OSBPL1A: variants seen among roughly 807,000 people sequenced by gnomAD.
OSBPL1A encodes the protein oxysterol-binding protein-related protein 1.
Under a neutral mutation model 137.1 loss-of-function variants are expected in OSBPL1A, and 80 were observed. The observed-to-expected ratio is 0.58, with a 90% CI of 0.49 to 0.70. The LOEUF is 0.70. Ranked by LOEUF, OSBPL1A falls within the 30% of genes least tolerant of loss-of-function variation. The probability of loss-of-function intolerance (pLI) is 0.00; values close to 1 mark genes in which losing one functional copy is unlikely to be tolerated. For missense variants in OSBPL1A, 970 were observed against 1,129.4 expected (o/e 0.86, Z 2.02); for synonymous variants, 365 against 389.7 (o/e 0.94, Z 0.75).
At chr18:24,256,964 CAAAAAAAAAAAA>C (rs201880387) in intron 15 of OSBPL1A, among the ~76,000 whole-genome samples, 2 of 29,498 alleles carry the variant, frequency 6.8e-5, no homozygotes, top group African/African-American at 9.9e-5. Context: ...GAAGAGGATG[CAAAAAAAAAAAA>C]AAAAAAAAAA....
chr18:24,348,043 A>G (rs2091376047), intron 4 of OSBPL1A, among the ~76,000 whole-genome samples: 1 of 152,130 alleles, frequency 6.6e-6, no homozygotes, highest in Admixed American at 6.5e-5. Context: ...AAACATTTAA[A>G]AACTCAGCTA....
chr18:24,330,005 C>T (rs192318986), intron 7 of OSBPL1A, among the ~76,000 whole-genome samples: 18 of 152,268 alleles, frequency 1.2e-4, no homozygotes, highest in African/African-American at 3.6e-4. Context: ...TGTGGATCCA[C>T]GACGGTACTT....
At position 24,366,926 on chromosome 18, in the gene OSBPL1A, G is replaced by T. The variant is rs780220450; in HGVS notation, c.248C>A (p.Thr83Lys). ...TGTAAAGGCAGCTCGATGAAGCGGC[G>T]TGTCTCCCATGTCATTCAACACATT... ...EVNVLNDMGD[T>K]PLHRAAFTGR... Residue 83 changes from threonine to lysine, a missense_variant, in exon 4 of 28, where the codon ACG (threonine) becomes AAG (lysine). Around this residue, in one of 2 missense-constraint regions of OSBPL1A, gnomAD observed 647 missense variants for 672.6 expected, o/e 0.96. Coordinates refer to ENST00000319481, the MANE Select transcript of OSBPL1A (RefSeq NM_080597.4). 6.2e-7 allele frequency: 1 copy of T among 1,611,836 alleles called. No individual in the cohort carries two copies. Among genetic ancestry groups the T allele is most frequent in the Admixed American group, 1.7e-5 (1 of 59,810 alleles).
At chr18:24,211,770 C>T (rs1228743936) in intron 17 of OSBPL1A, among the ~76,000 whole-genome samples, 2 of 151,990 alleles carry the variant, frequency 1.3e-5, no homozygotes, top group Non-Finnish European at 2.9e-5. Flanking sequence ...TCGAGGCCAG[C>T]CTGGCCAATA....
At chr18:24,256,566 G>A (rs190186393) in intron 15 of OSBPL1A, among the ~76,000 whole-genome samples, 2 of 152,192 alleles carry the variant, frequency 1.3e-5, no homozygotes, top group Non-Finnish European at 2.9e-5. Context: ...CACAACAAAC[G>A]TTCACTTTCA....
chr18:24,217,369 T>C (rs2087739823), intron 17 of OSBPL1A, among the ~76,000 whole-genome samples: 1 of 151,376 alleles, frequency 6.6e-6, no homozygotes, highest in African/African-American at 2.4e-5. Flanking sequence ...GCGATTCTCC[T>C]GCCTCAGTCT....
At chr18:24,250,684 T>C (rs141146247) in intron 15 of OSBPL1A, among the ~76,000 whole-genome samples, 32 of 152,126 alleles carry the variant, frequency 2.1e-4, no homozygotes, top group Admixed American at 1.2e-3. Flanking sequence ...CATTACCAGC[T>C]GTGGTGGCTA....
chr18:24,386,314 T>C (rs1906961534), intron 1 of OSBPL1A, among the ~76,000 whole-genome samples: 1 of 152,220 alleles, frequency 6.6e-6, no homozygotes, highest in Non-Finnish European at 1.5e-5. Flanking sequence ...ATATCAGTTT[T>C]AAGACAGGCA....
At chr18:24,337,748 C>A (rs2091200139) in intron 5 of OSBPL1A, among the ~76,000 whole-genome samples, 2 of 151,140 alleles carry the variant, frequency 1.3e-5, no homozygotes, top group South Asian at 2.1e-4. Flanking sequence ...GGACAACTGG[C>A]TAAATCTGAA....
rs78736073 is a variant in OSBPL1A at position 24,316,551 on chromosome 18, T to C, written c.870+598A>G. Among the ~76,000 whole-genome samples the C allele has an allele frequency of 1.3e-3, 200 of 152,172 alleles. 3 individuals are homozygous for C. The East Asian group carries it at 0.033, about 25-fold the overall frequency. On this transcript the variant is annotated intron_variant, in intron 11 of 27. Coordinates refer to ENST00000319481, the MANE Select transcript of OSBPL1A (RefSeq NM_080597.4). Reference sequence around the variant, plus strand: ...AGACAAAATAAATTTTAAAACAAAATGTATTACAAGAGATAAAGAGGGCCA... The same window carrying C: ...AGACAAAATAAATTTTAAAACAAAACGTATTACAAGAGATAAAGAGGGCCA...
chr18:24,209,408 T>C (rs1270888689), intron 17 of OSBPL1A, among the ~76,000 whole-genome samples: 1 of 152,182 alleles, frequency 6.6e-6, no homozygotes, highest in Non-Finnish European at 1.5e-5. Flanking sequence ...GGTGAGGATG[T>C]GGAGCAACTA....
chr18:24,250,178 G>GTTTT (rs1408310982), intron 15 of OSBPL1A, among the ~76,000 whole-genome samples: 15 of 79,570 alleles, frequency 1.9e-4, no homozygotes, highest in Middle Eastern at 5.3e-3. Context: ...TTGTTTGTTT[G>GTTTT]TTTGTTTGTT....
chr18:24,256,583 T>C (rs1163732361), intron 15 of OSBPL1A, among the ~76,000 whole-genome samples: 2 of 152,144 alleles, frequency 1.3e-5, no homozygotes, highest in Admixed American at 6.5e-5. Context: ...TTCACCACTA[T>C]TATACAACAT....
chr18:24,246,963 C>T (rs751221676), intron 15 of OSBPL1A, among the ~76,000 whole-genome samples: 24 of 152,142 alleles, frequency 1.6e-4, no homozygotes, highest in Non-Finnish European at 2.9e-4. Context: ...AAAAGGAAAT[C>T]AAGGACGACT....
At chr18:24,346,274 T>C (rs1466781343) in intron 4 of OSBPL1A, among the ~76,000 whole-genome samples, 3 of 152,138 alleles carry the variant, frequency 2.0e-5, no homozygotes, top group Non-Finnish European at 2.9e-5. Context: ...TAGAGAAAAA[T>C]CCTCATGCCC....
chr18:24,251,046 G>A (rs550058046), intron 15 of OSBPL1A, among the ~76,000 whole-genome samples: 4 of 152,296 alleles, frequency 2.6e-5, no homozygotes, highest in South Asian at 2.1e-4. Flanking sequence ...AGGGAAGAGC[G>A]GGAAGGACTT....
At chr18:24,235,695 C>G (rs754949165) in intron 16 of OSBPL1A, among the ~76,000 whole-genome samples, 1 of 152,120 alleles carries the variant, frequency 6.6e-6, no homozygotes, top group Non-Finnish European at 1.5e-5. Context: ...AAGCTGACAG[C>G]TGAATATGTA....
chr18:24,274,258 G>A (rs1375848697), intron 15 of OSBPL1A, among the ~76,000 whole-genome samples: 5 of 149,940 alleles, frequency 3.3e-5, no homozygotes, highest in East Asian at 1.9e-4. Flanking sequence ...AAAAATTGAC[G>A]GGACTTGATT....
chr18:24,272,106 C>T (rs996836019), intron 15 of OSBPL1A: 103 of 983,254 alleles, frequency 1.0e-4, no homozygotes, highest in Non-Finnish European at 1.2e-4. Flanking sequence ...GCCGGGGAAG[C>T]CTGCACGGCC....
Sources: gnomAD v4.1 joint callset for allele counts (sites outside exome capture counted in the v4.1 genomes callset) on GRCh38, gnomAD v4.1.1 for gene constraint, gnomAD v4.1.1 regional missense constraint, MANE v1.5 for transcripts, NCBI Gene and HGNC (gene_info 2026-07-23, HGNC 2026-07-21) for gene names.